Variants in GRK2 observed in about 807,000 individuals in gnomAD.
The protein encoded by GRK2 is G protein-coupled receptor kinase 2, also known as adrenergic beta receptor kinase 1.
GRK2 carries 23 observed loss-of-function variants against 97.8 expected under a neutral mutation model. The observed-to-expected ratio is 0.24, with a 90% CI of 0.17 to 0.33. GRK2 has a LOEUF of 0.33. Ranked by LOEUF, GRK2 falls within the 10% of genes least tolerant of loss-of-function variation. GRK2 has a pLI of 1.00. For synonymous variants in GRK2, 425 were observed against 381.7 expected, an observed-to-expected ratio of 1.11 and a Z score of -1.32; for missense variants, 633 against 956.9, an observed-to-expected ratio of 0.66 and a Z score of 4.47.
Position 67,281,743 on chromosome 11 carries a change from G to T in GRK2, c.826+15G>T. On this transcript the variant is annotated intron_variant, in intron 10 of 20. Coordinates refer to ENST00000308595, the MANE Select transcript of GRK2 (RefSeq NM_001619.5). This position sits in a 1 kb window ranked among gnomAD's most constrained non-coding sequence, Gnocchi z 5.7. ...CCTCATGAACGGTGAGTGCTGGCCGGGCCCTAGGGTGGGCCGGGCCCAGGC... is the reference window on the plus strand; with the variant it reads ...CCTCATGAACGGTGAGTGCTGGCCGTGCCCTAGGGTGGGCCGGGCCCAGGC... 1 of 1,613,494 alleles carries T rather than the reference G, an allele frequency of 6.2e-7. No individual in the cohort carries two copies. The highest frequency in any genetic ancestry group is 8.5e-7 in the Non-Finnish European group (1 of 1,179,888).
intron 1 of GRK2, among the ~76,000 whole-genome samples, chr11:67,270,165 G>A (rs1326385642): frequency 1.3e-5 from 2 of 152,182 alleles, no homozygotes; most frequent in African/African-American, 4.8e-5. Context: ...AGGAACTGCT[G>A]TCTCCCTTTC....
At chr11:67,278,820 G>A (rs923558712) in intron 2 of GRK2, among the ~76,000 whole-genome samples, 39 of 147,170 alleles carry the variant, frequency 2.6e-4, no homozygotes, top group African/African-American at 9.8e-4. Context: ...CGCCCCGGTG[G>A]GGGGTATCGG....
Position 67,283,193 on chromosome 11 carries a change from G to C in GRK2, c.1293G>C (p.Arg431Ser). 1 of 1,614,016 alleles carries C rather than the reference G, an allele frequency of 6.2e-7. No individual in the cohort carries two copies. Among genetic ancestry groups the C allele is most frequent in the Non-Finnish European group, 8.5e-7 (1 of 1,179,986 alleles). ...CCCTGCTGGAGGGGTTGCTGCAGAG[G>C]GATGTCAACCGGAGATTGGGCTGCC... ...LRSLLEGLLQ[R>S]DVNRRLGCLG... Residue 431 changes from arginine (R) to serine (S), a missense_variant, in exon 15 of 21, where the codon AGG becomes AGC. Arg to Ser is a moderately radical substitution (Grantham distance 110, BLOSUM62 -1). Transcript: ENST00000308595.
chr11:67,284,813 G>A (rs906159420), intron 18 of GRK2, 34 bp from the exon 19 acceptor site: 2 of 1,604,288 alleles, frequency 1.2e-6, no homozygotes, highest in African/African-American at 1.3e-5. Context: ...AACCCAGGTG[G>A]GGCCGGCTGA....
chr11:67,279,854 A>G lies in GRK2; in HGVS notation c.457A>G (p.Ile153Val). 6.2e-7 allele frequency: 1 copy of G among 1,613,936 alleles called. No homozygotes were observed. The highest frequency in any genetic ancestry group is 1.7e-5 in the Admixed American group (1 of 60,022). The change falls in exon 6 of 21, where the codon ATT becomes GTT. Residue 153 changes from isoleucine (I) to valine (V), a missense_variant. By Grantham distance (29) the Ile-to-Val change is conservative. Coordinates refer to ENST00000308595, the MANE Select transcript of GRK2 (RefSeq NM_001619.5). ...CCTCCCTTAGCCATACATCGAAGAGATTTGTCAAAACCTCCGAGGGGACGT... is the reference window on the plus strand; with the variant it reads ...CCTCCCTTAGCCATACATCGAAGAGGTTTGTCAAAACCTCCGAGGGGACGT... ...PDLFQPYIEE[I>V]CQNLRGDVFQ...
chr11:67,274,254 G>A lies in GRK2; in HGVS notation c.114-3018G>A, dbSNP rs1028112433. Among the ~76,000 whole-genome samples, 24 of 151,694 alleles carry A rather than the reference G, an allele frequency of 1.6e-4. 1 individual carries two copies. The highest frequency in any genetic ancestry group is 1.6e-3 in the East Asian group (8 of 5,124). On this transcript the variant is annotated intron_variant, in intron 1 of 20. Transcript: ENST00000308595. ...TCTTAAACTCCTGACCTCATGATTC[G>A]CCCGCCTCGGCCTCCCAAAGTGCTG...
Position 67,276,260 on chromosome 11 carries a change from C to T in GRK2, c.114-1012C>T, listed in dbSNP as rs546672334. Among the ~76,000 whole-genome samples, 13 of 152,304 alleles carry T rather than the reference C, an allele frequency of 8.5e-5. No individual in the cohort carries two copies. The highest frequency in any genetic ancestry group is 4.1e-4 in the South Asian group (2 of 4,822). ...CTACACGTTACCCCAGGAGCCCAGA[C>T]TAGTGAGGACCAGATGCAGGCCTCA... On this transcript the variant is annotated intron_variant, in intron 1 of 20. Transcript: ENST00000308595. This position sits in a 1 kb window ranked among gnomAD's most constrained non-coding sequence, Gnocchi z 4.2.
intron 15 of GRK2, 161 bp from the exon 16 acceptor site, chr11:67,283,546 C>T: frequency 1.4e-6 from 1 of 732,076 alleles, no homozygotes; most frequent in Non-Finnish European, 2.3e-6. Flanking sequence ...AACCCACAAC[C>T]CTACGATGTA....
rs560515043 is a variant in GRK2 at position 67,284,781 on chromosome 11, C to A, written c.1655-66C>A. 21 of 1,565,780 alleles carry A rather than the reference C, an allele frequency of 1.3e-5. No individual in the cohort carries two copies. The East Asian group carries it at 4.6e-4, about 35-fold the overall frequency. On this transcript the variant is annotated intron_variant, in intron 18 of 20. Transcript: ENST00000308595. ...TCCAGCCTGGGCAACAGAGTGGAGA[C>A]CCTGTCTCAAAACAAAAAAGAAACC...
Position 67,266,650 on chromosome 11 carries a change from G to A in GRK2, c.-50G>A. 1 of 874,354 alleles carries A rather than the reference G, an allele frequency of 1.1e-6. No individual in the cohort carries two copies. The highest frequency in any genetic ancestry group is 1.4e-6 in the Non-Finnish European group (1 of 711,270). The allele number at this position is 874,354 out of a possible 1,614,324, so 54.2% of individuals were successfully genotyped here. ...GCCGGGCCGAGCGCCGAGCGAGCAG[G>A]AGCGGCGGCGGCGGCGGCGGCGGCG... On this transcript the variant is annotated 5_prime_UTR_variant, in exon 1 of 21. Coordinates refer to ENST00000308595, the MANE Select transcript of GRK2 (RefSeq NM_001619.5).
rs1860230968 is a variant in GRK2 at position 67,284,655 on chromosome 11, G to A, written c.1655-192G>A. 9 of 790,236 alleles carry A rather than the reference G, an allele frequency of 1.1e-5. No individual in the cohort carries two copies. In the South Asian group the frequency reaches 1.7e-4, roughly 15 times the overall value. 49.0% of individuals were successfully genotyped at this position (790,236 alleles called of 1,614,324 possible). A position where few individuals can be genotyped will look rare whatever the true frequency, so the allele number is the denominator to read the frequency against. ...ACCAAAAAAATTAGCCGGGCATGGT[G>A]GCACGCGCCTGTACTCCCAGCTACC... On this transcript the variant is annotated intron_variant, in intron 18 of 20. Coordinates refer to ENST00000308595, the MANE Select transcript of GRK2 (RefSeq NM_001619.5).
At chr11:67,272,560 C>T (rs903683071) in intron 1 of GRK2, among the ~76,000 whole-genome samples, 2 of 152,186 alleles carry the variant, frequency 1.3e-5, no homozygotes, top group African/African-American at 4.8e-5. Flanking sequence ...CCCTCAGCAC[C>T]CACTCCTTCC....
chr11:67,275,548 G>A (rs1245019043), intron 1 of GRK2, among the ~76,000 whole-genome samples: 5 of 151,360 alleles, frequency 3.3e-5, no homozygotes, highest in East Asian at 1.9e-4. Flanking sequence ...CAGTGGAGTC[G>A]GGCCACCCAC....
rs1260586954 is a variant in GRK2, at chr11:67,285,879, G to A, written c.*429G>A. 1 of 222,274 alleles carries A rather than the reference G, an allele frequency of 4.5e-6. No homozygotes were observed. Among genetic ancestry groups the A allele is most frequent in the Admixed American group, 5.3e-5 (1 of 18,944 alleles). 13.8% of individuals were successfully genotyped at this position (222,274 alleles called of 1,614,324 possible). Reference sequence around the variant, plus strand: ...ACTGCACCCCCTCCTGCTGCAGAGGGGCAGGCCCTGCACTGTCCTGCTCCA... The same window carrying A: ...ACTGCACCCCCTCCTGCTGCAGAGGAGCAGGCCCTGCACTGTCCTGCTCCA... On this transcript the variant is annotated 3_prime_UTR_variant, in exon 21 of 21. Transcript: ENST00000308595.
chr11:67,272,591 C>T (rs1484281813), intron 1 of GRK2, among the ~76,000 whole-genome samples: 1 of 152,222 alleles, frequency 6.6e-6, no homozygotes, highest in African/African-American at 2.4e-5. Flanking sequence ...GTGCTCAGTG[C>T]TGCAGCTGCT....
chr11:67,277,235 T>C (rs1240794811), intron 1 of GRK2, 37 bp from the exon 2 acceptor site: 2 of 1,607,198 alleles, frequency 1.2e-6, no homozygotes, highest in Non-Finnish European at 1.7e-6. Context: ...CCACGGGCTC[T>C]GGGGGCTTCT....
In GRK2 at chr11:67,282,855, GGGGGGAGCT is replaced by G; in HGVS notation, c.1227+38_1227+46del. Reference sequence around the variant, plus strand: ...TCTCAGTGCAGGGCCGCAGGGGGCTGGGGGGAGCTCCTGTGGGTGCCAGGCCATGACTCT... The same window carrying G: ...TCTCAGTGCAGGGCCGCAGGGGGCTGCCTGTGGGTGCCAGGCCATGACTCT... On this transcript the variant is annotated intron_variant, in intron 14 of 20. Transcript: ENST00000308595. The surrounding 1 kb of genome is among the most constrained non-coding windows in gnomAD (Gnocchi z 6.9). 6.4e-7 allele frequency: 1 copy of G among 1,574,596 alleles called. No homozygotes were observed. The highest frequency in any genetic ancestry group is 8.6e-7 in the Non-Finnish European group (1 of 1,160,752).
At chr11:67,280,203 C>T in intron 6 of GRK2, 1 of 459,932 alleles carries the variant, frequency 2.2e-6, no homozygotes, top group Non-Finnish European at 4.0e-6. Flanking sequence ...TAGCACCTTG[C>T]TGGCCCACCT....
Position 67,282,144 on chromosome 11 carries a change from C to T in GRK2, c.958-127C>T. Reference sequence around the variant, plus strand: ...TTGTAGCTGGGGACAGGAGAGAGGACCCCCACCTTTGCCCTTTCTTTGGGT... The same window carrying T: ...TTGTAGCTGGGGACAGGAGAGAGGATCCCCACCTTTGCCCTTTCTTTGGGT... On this transcript the variant is annotated intron_variant, in intron 11 of 20. Coordinates refer to ENST00000308595, the MANE Select transcript of GRK2 (RefSeq NM_001619.5). The surrounding 1 kb of genome is among the most constrained non-coding windows in gnomAD (Gnocchi z 6.9). The T allele has an allele frequency of 8.3e-7, 1 of 1,203,174 alleles. No individual in the cohort carries two copies. 74.5% of individuals were successfully genotyped at this position (1,203,174 alleles called of 1,614,324 possible). A position where few individuals can be genotyped will look rare whatever the true frequency, so the allele number is the denominator to read the frequency against.
Sources: allele counts gnomAD v4.1 joint callset (sites outside exome capture counted in the v4.1 genomes callset), GRCh38; gene constraint gnomAD v4.1.1; non-coding constraint Gnocchi (gnomAD v3.1); transcripts MANE v1.5; gene names NCBI Gene and HGNC (gene_info 2026-07-23, HGNC 2026-07-21).